The following TDP1 variants were observed in gnomAD, a reference collection of about 807,000 sequenced individuals.
TDP1 encodes the protein tyrosyl-DNA phosphodiesterase 1, also known as tyr-DNA phosphodiesterase 1.
A neutral mutation model predicts 81.5 loss-of-function variants in TDP1; 64 were observed. The observed-to-expected ratio is 0.79, with a 90% CI of 0.64 to 0.97. TDP1 has a LOEUF of 0.97. Among genes scored for constraint, TDP1 ranks in the 50% least tolerant of loss-of-function variants. TDP1 has a pLI of 0.00. For synonymous variants in TDP1, 256 were observed against 264.3 expected (o/e 0.97, Z 0.30); for missense variants, 723 against 743.8 (o/e 0.97, Z 0.33).
intron 6 of TDP1, among the ~76,000 whole-genome samples, chr14:89,973,232 C>T (rs1893862210): frequency 6.6e-6 from 1 of 152,226 alleles, no homozygotes; most frequent in Non-Finnish European, 1.5e-5. Context: ...TTTCCAGCAA[C>T]ATAAGAGGTT....
chr14:89,970,717 C>G (rs1893525920), intron 5 of TDP1: 1 of 501,560 alleles, frequency 2.0e-6, no homozygotes, highest in African/African-American at 2.1e-5. Flanking sequence ...TTTCACTGCT[C>G]TGTGTTAGCC....
intron 14 of TDP1, among the ~76,000 whole-genome samples, chr14:90,002,031 TA>T (rs1566895370): frequency 2.0e-5 from 3 of 152,136 alleles, no homozygotes; most frequent in African/African-American, 7.2e-5. Flanking sequence ...GACCAAAAAT[TA>T]TTTGAATCAG....
chr14:89,969,900 G>A (rs1420130405), intron 5 of TDP1, among the ~76,000 whole-genome samples: 3 of 132,764 alleles, frequency 2.3e-5, no homozygotes, highest in African/African-American at 5.5e-5. Context: ...TTTTTGAGGC[G>A]GAGTCTCGCT....
chr14:90,039,562 A>G (rs1225357834), intron 16 of TDP1, among the ~76,000 whole-genome samples: 3 of 152,076 alleles, frequency 2.0e-5, no homozygotes, highest in Non-Finnish European at 4.4e-5. Context: ...CATGGGGGTG[A>G]GAGCAGAGTC....
At chr14:89,989,630 A>G in intron 11 of TDP1, 87 bp from the exon 12 acceptor site, 1 of 1,225,364 alleles carries the variant, frequency 8.2e-7, no homozygotes, top group Non-Finnish European at 1.2e-6. Flanking sequence ...TATTTTTAAC[A>G]GATTTTCATT....
chr14:89,962,971 C>CA (rs35568410), intron 2 of TDP1, 137 bp from the exon 3 acceptor site: 1 of 1,522,170 alleles, frequency 6.6e-7, no homozygotes, highest in Non-Finnish European at 8.8e-7. Flanking sequence ...TATAAACACC[C>CA]AAAAAGCAGC....
At chr14:89,984,309 A>C (rs961808152) in intron 8 of TDP1, 2 of 985,406 alleles carry the variant, frequency 2.0e-6, no homozygotes, top group Non-Finnish European at 2.4e-6. Flanking sequence ...TCTTAAATTC[A>C]TGGCAAGACA....
Position 89,976,553 on chromosome 14 carries a change from T to TTTG in TDP1, c.791+740_791+741insGTT, listed in dbSNP as rs1894355696. Among the ~76,000 whole-genome samples the TTTG allele has an allele frequency of 2.1e-5, 3 of 142,602 alleles. No homozygotes were observed. In the South Asian group the frequency reaches 6.8e-4, roughly 32 times the overall value. The allele number at this position is 142,602 out of a possible 152,430, so 93.6% of individuals were successfully genotyped here. A position where few individuals can be genotyped will look rare whatever the true frequency, so the allele number is the denominator to read the frequency against. ...TTTTTTTTTTTTTTTTTTTTTTTTT[T>TTTG]TTAGACAGAGTCTCGCTCTGTTGCC... On this transcript the variant is annotated intron_variant, in intron 7 of 16. Coordinates refer to ENST00000335725, the MANE Select transcript of TDP1 (RefSeq NM_018319.4).
chr14:89,963,771 CTTCT>C, intron 3 of TDP1, 98 bp downstream of exon 3: 3 of 1,396,836 alleles, frequency 2.1e-6, no homozygotes, highest in Non-Finnish European at 3.0e-6. Flanking sequence ...TCTGAGAACT[CTTCT>C]TTGTGTTCTT....
chr14:90,033,454 T>C (rs564103168), intron 16 of TDP1: 14 of 560,054 alleles, frequency 2.5e-5, no homozygotes, highest in South Asian at 1.8e-4. Context: ...GGCTACATGC[T>C]GATAAACCCC....
chr14:89,985,696 A>G (rs1436847868), intron 10 of TDP1, among the ~76,000 whole-genome samples: 3 of 152,198 alleles, frequency 2.0e-5, no homozygotes, highest in East Asian at 3.9e-4. Flanking sequence ...TTGAAGATTA[A>G]AGTTTTTTTC....
chr14:90,021,314 CAATG>C (rs1417257546), intron 15 of TDP1, among the ~76,000 whole-genome samples: 3 of 152,128 alleles, frequency 2.0e-5, no homozygotes, highest in Non-Finnish European at 4.4e-5. Flanking sequence ...TTGTGGGAAA[CAATG>C]AAGTCACATC....
At chr14:89,975,203 G>A (rs1459476828) in intron 6 of TDP1, among the ~76,000 whole-genome samples, 1 of 152,118 alleles carries the variant, frequency 6.6e-6, no homozygotes, top group Non-Finnish European at 1.5e-5. Context: ...AGCCTCCTAA[G>A]TAGCTGGGAC....
Position 89,998,467 on chromosome 14 carries a change from TATTA to T in TDP1, c.1541+4988_1541+4991del, listed in dbSNP as rs68005178. 9.0e-3 allele frequency among the ~76,000 whole-genome samples: 1,310 copies of T among 145,204 alleles called. 16 individuals carry two copies. The highest frequency in any genetic ancestry group is 0.019 in the African/African-American group (732 of 38,408). On this transcript the variant is annotated intron_variant, in intron 14 of 16. Coordinates refer to ENST00000335725, the MANE Select transcript of TDP1 (RefSeq NM_018319.4). ...ATATGTATATGTATATATATGTATA[TATTA>T]ATTCATGTAATTCTTATAGCCGTTC... is the stretch of plus-strand genomic sequence containing the variant.
intron 2 of TDP1, among the ~76,000 whole-genome samples, chr14:89,962,711 A>G (rs1892465167): frequency 6.7e-6 from 1 of 148,238 alleles, no homozygotes; most frequent in African/African-American, 2.6e-5. Flanking sequence ...CCAAAAAAAA[A>G]GAAAAAAAAA....
chr14:89,996,471 G>A (rs1896659780), intron 14 of TDP1, among the ~76,000 whole-genome samples: 1 of 152,104 alleles, frequency 6.6e-6, no homozygotes, highest in Admixed American at 6.5e-5. Context: ...GTTGTGTTCA[G>A]GTCCCATCTC....
At chr14:89,976,567 C>T (rs186779896) in intron 7 of TDP1, among the ~76,000 whole-genome samples, 2,517 of 125,918 alleles carry the variant, frequency 0.02, 106 homozygotes, top group African/African-American at 0.072. Context: ...GACAGAGTCT[C>T]GCTCTGTTGC....
rs988956349 is a variant in TDP1 at position 89,966,266 on chromosome 14, A to G, written c.603+76A>G. 4 of 977,798 alleles carry G rather than the reference A, an allele frequency of 4.1e-6. No homozygotes were observed. The African/African-American group carries it at 6.3e-5, about 15-fold the overall frequency. The allele number at this position is 977,798 out of a possible 1,614,324, so 60.6% of individuals were successfully genotyped here. A position where few individuals can be genotyped will look rare whatever the true frequency, so the allele number is the denominator to read the frequency against. Reference sequence around the variant, plus strand: ...TTAAACAACTCCATAAGAAAATATGAGAGGCATAGTTTGGGGATCTCAGTC... The same window carrying G: ...TTAAACAACTCCATAAGAAAATATGGGAGGCATAGTTTGGGGATCTCAGTC... On this transcript the variant is annotated intron_variant, in intron 4 of 16. Coordinates refer to ENST00000335725, the MANE Select transcript of TDP1 (RefSeq NM_018319.4).
chr14:90,019,505 C>CT, intron 15 of TDP1, 87 bp downstream of exon 15: 1 of 779,654 alleles, frequency 1.3e-6, no homozygotes, highest in South Asian at 1.4e-5. Context: ...AACAGCTTGC[C>CT]TAAGGTAGGC....
Sources: gnomAD v4.1 joint callset for allele counts (sites outside exome capture counted in the v4.1 genomes callset) on GRCh38, gnomAD v4.1.1 for gene constraint, MANE v1.5 for transcripts, NCBI Gene and HGNC (gene_info 2026-07-23, HGNC 2026-07-21) for gene names.